Variants in MYO3B observed in about 807,000 individuals in gnomAD.
MYO3B encodes myosin-IIIb.
MYO3B carries 156 observed loss-of-function variants against 174.6 expected under a neutral mutation model. That is an observed-to-expected ratio of 0.89 (90% CI 0.78 to 1.02). MYO3B has a LOEUF of 1.02. Ranked by LOEUF, MYO3B falls within the 50% of genes least tolerant of loss-of-function variation. The probability of loss-of-function intolerance (pLI) is 0.00; values close to 1 mark genes in which losing one functional copy is unlikely to be tolerated. For missense variants in MYO3B, 1,632 were observed against 1,639.4 expected (o/e 1.00, Z 0.08); for synonymous variants, 563 against 569.1 (o/e 0.99, Z 0.15).
At chr2:170,483,448 G>A (rs1022981005) in intron 25 of MYO3B, among the ~76,000 whole-genome samples, 12 of 114,512 alleles carry the variant, frequency 1.0e-4, no homozygotes, top group Non-Finnish European at 1.6e-4. Context: ...GTGCAGTGGC[G>A]CGATCTCGGC....
Position 170,327,202 on chromosome 2 carries a change from T to C in MYO3B, c.750-8183T>C, listed in dbSNP as rs951882362. ...GAGATCGAGACCATCCTGGCCCACATGGTAAAACCCTGTCTCTACTAAAAA... is the reference window on the plus strand; with the variant it reads ...GAGATCGAGACCATCCTGGCCCACACGGTAAAACCCTGTCTCTACTAAAAA... On this transcript the variant is annotated intron_variant, in intron 7 of 34. Transcript: ENST00000408978. Among the ~76,000 whole-genome samples the C allele has an allele frequency of 2.8e-4, 42 of 152,278 alleles. 1 individual carries two copies. Among genetic ancestry groups the C allele is most frequent in the Non-Finnish European group, 4.4e-4 (30 of 68,016 alleles).
At chr2:170,467,699 A>G (rs1341782398) in intron 25 of MYO3B, among the ~76,000 whole-genome samples, 1 of 151,994 alleles carries the variant, frequency 6.6e-6, no homozygotes, top group Non-Finnish European at 1.5e-5. Flanking sequence ...CCACTCTGAA[A>G]CATGTGCCCA....
At position 170,226,481 on chromosome 2, in the gene MYO3B, A is replaced by G. The variant is rs141055965; in HGVS notation, c.603+9086A>G. On this transcript the variant is annotated intron_variant, in intron 6 of 34. Transcript: ENST00000408978. ...GCACAACCCAGACGCTCAGTGTTCC[A>G]GCAGGCAAACGGCCCAAGGTGCAAG... 8.7e-4 allele frequency among the ~76,000 whole-genome samples: 133 copies of G among 152,330 alleles called. 1 individual carries two copies. Among genetic ancestry groups the G allele is most frequent in the Admixed American group, 7.8e-3 (119 of 15,304 alleles).
chr2:170,617,973 C>G (rs139501339), intron 32 of MYO3B, among the ~76,000 whole-genome samples: 1 of 152,262 alleles, frequency 6.6e-6, no homozygotes, highest in East Asian at 1.9e-4. Flanking sequence ...TCAGTGATTA[C>G]TGTTTTGATC....
chr2:170,307,542 G>A (rs2093709015), intron 7 of MYO3B, among the ~76,000 whole-genome samples: 1 of 152,160 alleles, frequency 6.6e-6, no homozygotes, highest in South Asian at 2.1e-4. Flanking sequence ...TTCTATTTTA[G>A]TGTAGATTCC....
At chr2:170,584,024 C>T (rs1280121472) in intron 32 of MYO3B, among the ~76,000 whole-genome samples, 1 of 152,254 alleles carries the variant, frequency 6.6e-6, no homozygotes, top group South Asian at 2.1e-4. Context: ...CTCTTTCCTT[C>T]TGTCTATAGT....
chr2:170,382,954 G>T lies in MYO3B; in HGVS notation c.1069-119G>T, dbSNP rs529702675. 12 of 675,370 alleles carry T rather than the reference G, an allele frequency of 1.8e-5. No individual in the cohort carries two copies. In the South Asian group the frequency reaches 2.0e-4, roughly 11 times the overall value. The allele number at this position is 675,370 out of a possible 1,614,324, so 41.8% of individuals were successfully genotyped here. On this transcript the variant is annotated intron_variant, in intron 10 of 34. Transcript: ENST00000408978. Reference sequence around the variant, plus strand: ...ATTAGGGTCATTGTATGATTTAAATGGACTACTTTCATCGTTTAGAGAAAG... The same window carrying T: ...ATTAGGGTCATTGTATGATTTAAATTGACTACTTTCATCGTTTAGAGAAAG...
chr2:170,198,082 A>G (rs1406572827), intron 1 of MYO3B, among the ~76,000 whole-genome samples: 1 of 150,234 alleles, frequency 6.7e-6, no homozygotes, highest in Non-Finnish European at 1.5e-5. Flanking sequence ...GAATGATCAG[A>G]AATTTATCAG....
intron 23 of MYO3B, among the ~76,000 whole-genome samples, chr2:170,451,619 T>C (rs1280841637): frequency 6.6e-6 from 1 of 152,244 alleles, no homozygotes; most frequent in Non-Finnish European, 1.5e-5. Context: ...TCTAACAAAA[T>C]ATTTGATTTA....
intron 32 of MYO3B, among the ~76,000 whole-genome samples, chr2:170,551,284 G>A (rs779047421): frequency 1.6e-4 from 24 of 151,056 alleles, no homozygotes; most frequent in Non-Finnish European, 3.1e-4. Context: ...CTCCCACATG[G>A]CAAAATTACT....
At chr2:170,178,853 A>G (rs1239384803) in intron 1 of MYO3B, among the ~76,000 whole-genome samples, 2 of 152,194 alleles carry the variant, frequency 1.3e-5, no homozygotes, top group African/African-American at 4.8e-5. Context: ...GTGGGTATGT[A>G]TTGTTCCTTA....
intron 25 of MYO3B, among the ~76,000 whole-genome samples, chr2:170,483,558 T>C (rs1406075459): frequency 6.8e-6 from 1 of 146,676 alleles, no homozygotes; most frequent in African/African-American, 2.7e-5. Flanking sequence ...GGCTAATTTT[T>C]TGTATTTTTA....
At chr2:170,352,473 G>C (rs928321385) in intron 8 of MYO3B, among the ~76,000 whole-genome samples, 1 of 152,128 alleles carries the variant, frequency 6.6e-6, no homozygotes, top group Non-Finnish European at 1.5e-5. Flanking sequence ...GGAAAAGGTT[G>C]GTAAAAAGAG....
rs1691373207 is a variant in MYO3B at position 170,557,146 on chromosome 2, TTA to T, written c.3733+13160_3733+13161del. Among the ~76,000 whole-genome samples the T allele has an allele frequency of 1.7e-5, 2 of 116,406 alleles. 1 individual carries two copies. The highest frequency in any genetic ancestry group is 3.4e-5 in the Non-Finnish European group (2 of 59,294). The allele number at this position is 116,406 out of a possible 152,430, so 76.4% of individuals were successfully genotyped here. On this transcript the variant is annotated intron_variant, in intron 32 of 34. Coordinates refer to ENST00000408978, the MANE Select transcript of MYO3B (RefSeq NM_138995.5). ...TCTGCAGGGTTTTTTATTTTTATTT[TTA>T]TTTTTTTTTGAGACGGAGTCTCGCT...
Position 170,630,099 on chromosome 2 carries a change from G to A in MYO3B, c.3734-21529G>A, listed in dbSNP as rs150388606. 4.9e-3 allele frequency among the ~76,000 whole-genome samples: 740 copies of A among 152,292 alleles called. 2 individuals carry two copies. Among genetic ancestry groups the A allele is most frequent in the Non-Finnish European group, 6.9e-3 (470 of 68,020 alleles). ...CATGGAGGGCGAGCTGAAGCAGGGCGGGGCATTGCCTCACCTGAGAAGCAC... is the reference window on the plus strand; with the variant it reads ...CATGGAGGGCGAGCTGAAGCAGGGCAGGGCATTGCCTCACCTGAGAAGCAC... On this transcript the variant is annotated intron_variant, in intron 32 of 34. Coordinates refer to ENST00000408978, the MANE Select transcript of MYO3B (RefSeq NM_138995.5).
intron 32 of MYO3B, among the ~76,000 whole-genome samples, chr2:170,590,345 A>G (rs1693745429): frequency 1.3e-5 from 2 of 152,196 alleles, no homozygotes; most frequent in Admixed American, 6.5e-5. Context: ...TTATAGTACA[A>G]GAGTAGACAC....
intron 22 of MYO3B, among the ~76,000 whole-genome samples, chr2:170,442,830 A>G (rs1037736050): frequency 6.6e-6 from 1 of 151,822 alleles, no homozygotes; most frequent in African/African-American, 2.4e-5. Flanking sequence ...AAGGACATGA[A>G]CTCATCCTTT....
chr2:170,467,089 A>ATTAACAC (rs1284841102), intron 25 of MYO3B, among the ~76,000 whole-genome samples: 3 of 152,186 alleles, frequency 2.0e-5, no homozygotes, highest in Non-Finnish European at 4.4e-5. Flanking sequence ...TAATACGATA[A>ATTAACAC]TTAACACTTA....
At chr2:170,418,733 A>G (rs113961057) in intron 22 of MYO3B, among the ~76,000 whole-genome samples, 1 of 152,100 alleles carries the variant, frequency 6.6e-6, no homozygotes, top group Non-Finnish European at 1.5e-5. Context: ...AAGGGAGAGT[A>G]TGCTTTTCCT....
Sources: gnomAD v4.1 joint callset for allele counts (sites outside exome capture counted in the v4.1 genomes callset) on GRCh38, gnomAD v4.1.1 for gene constraint, MANE v1.5 for transcripts, NCBI Gene and HGNC (gene_info 2026-07-23, HGNC 2026-07-21) for gene names.